Variants in PARPBP observed in about 807,000 individuals in gnomAD.
PARPBP encodes the protein PCNA-interacting partner.
In PARPBP, 52 loss-of-function variants were observed where a neutral mutation model predicts 50.0. The ratio of observed to expected loss-of-function variants is 1.04; its 90% CI spans 0.83 to 1.31. PARPBP has a LOEUF of 1.31. Among genes scored for constraint, PARPBP ranks in the 50% most tolerant of loss-of-function variants. The pLI is 0.00. For synonymous variants in PARPBP, 244 were observed against 232.1 expected (o/e 1.05, Z -0.47); for missense variants, 697 against 672.0 (o/e 1.04, Z -0.41).
In PARPBP at chr12:102,182,599, G is replaced by T. The variant is rs1889937857; in HGVS notation, c.1235G>T (p.Cys412Phe). 1 of 1,611,246 alleles carries T rather than the reference G, an allele frequency of 6.2e-7. No individual in the cohort carries two copies. The highest frequency in any genetic ancestry group is 1.3e-5 in the African/African-American group (1 of 74,630). ...ATAAAACCCCTAAGAGAACGCATCT[G>T]TGTGTCAATGCAAGAGAAAAAAATT... ...NSIKPLRERI[C>F]VSMQEKKIKM... The change falls in exon 9 of 11, where the codon TGT becomes TTT. Residue 412 changes from cysteine to phenylalanine, a missense_variant. Physicochemically the swap from Cys to Phe is radical, Grantham distance 205. Coordinates refer to ENST00000327680, the MANE Select transcript of PARPBP (RefSeq NM_017915.5).
intron 6 of PARPBP, among the ~76,000 whole-genome samples, chr12:102,172,293 C>G (rs1888836930): frequency 6.6e-6 from 1 of 152,230 alleles, no homozygotes; most frequent in South Asian, 2.1e-4. Flanking sequence ...AATACCTCCT[C>G]CTTCTCTCTA....
At chr12:102,122,381 T>C (rs1326103806) in intron 1 of PARPBP, among the ~76,000 whole-genome samples, 1 of 152,218 alleles carries the variant, frequency 6.6e-6, no homozygotes, top group African/African-American at 2.4e-5. Context: ...ATATTGCAAG[T>C]GGCATGTATC....
At chr12:102,171,526 T>C (rs1438440099) in intron 6 of PARPBP, among the ~76,000 whole-genome samples, 1 of 152,168 alleles carries the variant, frequency 6.6e-6, no homozygotes, top group Non-Finnish European at 1.5e-5. Context: ...TAAATCTCAC[T>C]GAAATTTTTC....
At chr12:102,162,558 C>T (rs998325298) in intron 4 of PARPBP, among the ~76,000 whole-genome samples, 1 of 152,178 alleles carries the variant, frequency 6.6e-6, no homozygotes, top group Non-Finnish European at 1.5e-5. Flanking sequence ...TGGTGGCTCA[C>T]ACCTGTATTC....
At chr12:102,178,802 A>G (rs1450124978) in intron 8 of PARPBP, 32 bp downstream of exon 8, 1 of 1,370,010 alleles carries the variant, frequency 7.3e-7, no homozygotes, top group Non-Finnish European at 1.0e-6. Flanking sequence ...TGTGTTATAA[A>G]TGTTAACTCT....
intron 5 of PARPBP, 56 bp from the exon 6 acceptor site, chr12:102,165,672 TA>T: frequency 7.4e-7 from 1 of 1,342,424 alleles, no homozygotes; most frequent in South Asian, 1.3e-5. Context: ...CTTTATGAAG[TA>T]AATTACAGTT....
Position 102,175,630 on chromosome 12 carries a change from T to A in PARPBP, c.969T>A (p.Val323=). ...IKNIINSQEG[V]VALSTTDISP... is the part of the protein sequence containing the mutation. The stretch of plus-strand genomic sequence containing the variant: ...ATATTATCAATTCTCAAGAAGGTGT[T>A]GTAGCTCTTAGCACCACTGACATCA... Residue 323 remains valine (V), a synonymous_variant, in exon 7 of 11, where the codon GTT becomes GTA. Coordinates refer to ENST00000327680, the MANE Select transcript of PARPBP (RefSeq NM_017915.5). 6.2e-7 allele frequency: 1 copy of A among 1,613,658 alleles called. No individual in the cohort carries two copies. Among genetic ancestry groups the A allele is most frequent in the Non-Finnish European group, 8.5e-7 (1 of 1,179,632 alleles).
At chr12:102,182,224 C>T (rs1442764326) in intron 8 of PARPBP, among the ~76,000 whole-genome samples, 1 of 152,096 alleles carries the variant, frequency 6.6e-6, no homozygotes, top group Non-Finnish European at 1.5e-5. Context: ...TTCAGATAGC[C>T]ACATGATCAT....
At chr12:102,159,184 G>C (rs751146925) in intron 4 of PARPBP, among the ~76,000 whole-genome samples, 4 of 152,178 alleles carry the variant, frequency 2.6e-5, no homozygotes, top group South Asian at 2.1e-4. Context: ...AGGCTGGAGT[G>C]CAGTGGTGTG....
intron 2 of PARPBP, among the ~76,000 whole-genome samples, chr12:102,137,957 A>G (rs894224654): frequency 2.6e-5 from 4 of 152,350 alleles, no homozygotes; most frequent in Admixed American, 6.5e-5. Flanking sequence ...TAGTGTCGCA[A>G]TAAACATACG....
At chr12:102,149,982 A>G (rs976154108) in intron 3 of PARPBP, among the ~76,000 whole-genome samples, 1 of 152,226 alleles carries the variant, frequency 6.6e-6, no homozygotes, top group African/African-American at 2.4e-5. Context: ...CAGTGACAGT[A>G]TAATCTACCT....
At position 102,178,653 on chromosome 12, in the gene PARPBP, T is replaced by G; in HGVS notation, c.1067T>G (p.Leu356Ter). 1 of 1,613,658 alleles carries G rather than the reference T, an allele frequency of 6.2e-7. No individual in the cohort carries two copies. Among genetic ancestry groups the G allele is most frequent in the South Asian group, 1.1e-5 (1 of 91,044 alleles). ...TGTGGCAGAGATACTGTGAAAGCCT[T>G]ATTAGTTCTTTTGGACGAAGAAGCA... ...AYCGRDTVKA[L>*]LVLLDEEAAN... The change falls in exon 8 of 11, where the codon TTA becomes TGA. Residue 356 changes from leucine to a stop codon, truncating the protein, a stop_gained. Coordinates refer to ENST00000327680, the MANE Select transcript of PARPBP (RefSeq NM_017915.5). LOFTEE classifies it high-confidence loss of function.
chr12:102,195,277 A>C, intron 9 of PARPBP, 35 bp from the exon 10 acceptor site: 2 of 1,322,614 alleles, frequency 1.5e-6, no homozygotes, highest in South Asian at 1.3e-5. Flanking sequence ...ATAATGAATA[A>C]ATTTGCATAT....
intron 4 of PARPBP, among the ~76,000 whole-genome samples, chr12:102,160,500 G>A (rs1055823922): frequency 1.3e-5 from 2 of 152,218 alleles, no homozygotes; most frequent in Admixed American, 6.5e-5. Context: ...TTTGATTTTC[G>A]GTAAATTGTG....
rs369813255 is a variant in PARPBP at position 102,189,650 on chromosome 12, C to A, written c.1264-5662C>A. Among the ~76,000 whole-genome samples, 17 of 151,946 alleles carry A rather than the reference C, an allele frequency of 1.1e-4. 1 individual carries two copies. The highest frequency in any genetic ancestry group is 2.0e-4 in the Admixed American group (3 of 15,266). Reference sequence around the variant, plus strand: ...AATAGGCAGAGAGATTGAAATAGAGCATTTCAAACAACTGATGATGAAAGT... The same window carrying A: ...AATAGGCAGAGAGATTGAAATAGAGAATTTCAAACAACTGATGATGAAAGT... On this transcript the variant is annotated intron_variant, in intron 9 of 10. Coordinates refer to ENST00000327680, the MANE Select transcript of PARPBP (RefSeq NM_017915.5).
chr12:102,192,944 GA>G (rs1397841366), intron 9 of PARPBP, among the ~76,000 whole-genome samples: 2 of 151,646 alleles, frequency 1.3e-5, no homozygotes, highest in Non-Finnish European at 1.5e-5. Context: ...CAAAGGGGGG[GA>G]GTTCTGTTGT....
intron 9 of PARPBP, among the ~76,000 whole-genome samples, chr12:102,183,087 T>G (rs1370001963): frequency 6.6e-6 from 1 of 152,184 alleles, no homozygotes; most frequent in African/African-American, 2.4e-5. Flanking sequence ...TTCCTGTTCT[T>G]TGTTCATTTA....
At chr12:102,152,125 T>A (rs1277914949) in intron 3 of PARPBP, 1 of 286,888 alleles carries the variant, frequency 3.5e-6, no homozygotes, top group Admixed American at 4.9e-5. Context: ...CTCCTCTTCC[T>A]AGATGTTGGG....
chr12:102,147,099 A>G (rs1283093059), intron 2 of PARPBP, among the ~76,000 whole-genome samples: 1 of 152,196 alleles, frequency 6.6e-6, no homozygotes, highest in Non-Finnish European at 1.5e-5. Context: ...GAAAAATAGG[A>G]ACACTTTTAC....
Sources: gnomAD v4.1 joint callset for allele counts (sites outside exome capture counted in the v4.1 genomes callset) on GRCh38, gnomAD v4.1.1 for gene constraint, MANE v1.5 for transcripts, NCBI Gene and HGNC (gene_info 2026-07-23, HGNC 2026-07-21) for gene names.